The following ATP2B2 variants were observed in gnomAD, a reference collection of about 807,000 sequenced individuals.
ATP2B2 encodes plasma membrane calcium-transporting ATPase 2.
Under a neutral mutation model 120.0 loss-of-function variants are expected in ATP2B2, and 15 were observed. The ratio of observed to expected loss-of-function variants is 0.12; its 90% CI spans 0.08 to 0.19. The LOEUF (loss-of-function observed/expected upper bound fraction) is 0.19, where lower values mean the gene tolerates loss of function less well. Ranked by LOEUF, ATP2B2 falls within the 10% of genes least tolerant of loss-of-function variation. ATP2B2 has a pLI of 1.00. For synonymous variants in ATP2B2, 694 were observed against 700.3 expected (o/e 0.99, Z 0.14); for missense variants, 1,045 against 1,719.8 (o/e 0.61, Z 6.94).
In ATP2B2 at chr3:10,378,429, G is replaced by C; in HGVS notation, c.1043-19C>G. ...TGTTTGGCTGCAGGGGGCAGATCACGCACGTGCATACACACAGACACATAG... is the reference window on the plus strand; with the variant it reads ...TGTTTGGCTGCAGGGGGCAGATCACCCACGTGCATACACACAGACACATAG... On this transcript the variant is annotated intron_variant, in intron 9 of 22. Coordinates refer to ENST00000360273, the MANE Select transcript of ATP2B2 (RefSeq NM_001001331.4). 1 of 1,599,652 alleles carries C rather than the reference G, an allele frequency of 6.3e-7. No individual in the cohort carries two copies. Among genetic ancestry groups the C allele is most frequent in the Non-Finnish European group, 8.5e-7 (1 of 1,179,902 alleles).
At position 10,347,934 on chromosome 3, in the gene ATP2B2, C is replaced by A. The variant is rs1179204440; in HGVS notation, c.2405-1797G>T. Reference sequence around the variant, plus strand: ...GCAACTATTTCCACCATGGACCACACCTTCCTCCTCCACAGGCCTCCTTCC... The same window carrying A: ...GCAACTATTTCCACCATGGACCACAACTTCCTCCTCCACAGGCCTCCTTCC... On this transcript the variant is annotated intron_variant, in intron 16 of 22. Coordinates refer to ENST00000360273, the MANE Select transcript of ATP2B2 (RefSeq NM_001001331.4). The surrounding 1 kb of genome is among the most constrained non-coding windows in gnomAD (Gnocchi z 5.2). Among the ~76,000 whole-genome samples the A allele has an allele frequency of 6.6e-6, 1 of 152,066 alleles. No homozygotes were observed. The highest frequency in any genetic ancestry group is 2.4e-5 in the African/African-American group (1 of 41,378).
rs1355249781 is a variant in ATP2B2 at position 10,327,903 on chromosome 3, G to T, written c.*911C>A. The T allele has an allele frequency of 6.6e-6, 1 of 152,610 alleles. No homozygotes were observed. The highest frequency in any genetic ancestry group is 1.5e-5 in the Non-Finnish European group (1 of 68,038). 9.5% of individuals were successfully genotyped at this position (152,610 alleles called of 1,614,324 possible). On this transcript the variant is annotated 3_prime_UTR_variant, in exon 23 of 23. Transcript: ENST00000360273. ...AGCATGGCTATCATAAAACATCCAG[G>T]ATGCAACCCAGGGGAAGTGTCTGTT...
In ATP2B2 at chr3:10,375,350, C is replaced by G; in HGVS notation, c.1416+80G>C. 1 of 1,307,440 alleles carries G rather than the reference C, an allele frequency of 7.6e-7. No homozygotes were observed. Among genetic ancestry groups the G allele is most frequent in the Non-Finnish European group, 1.1e-6 (1 of 915,596 alleles). The allele number at this position is 1,307,440 out of a possible 1,614,324, so 81.0% of individuals were successfully genotyped here. A position where few individuals can be genotyped will look rare whatever the true frequency, so the allele number is the denominator to read the frequency against. The stretch of plus-strand genomic sequence containing the variant: ...GGCTTCTTCGTTCATCTCCCAACCC[C>G]AGCACCAGCCCCAGTGATTCCCCCA... On this transcript the variant is annotated intron_variant, in intron 11 of 22. Coordinates refer to ENST00000360273, the MANE Select transcript of ATP2B2 (RefSeq NM_001001331.4). The surrounding 1 kb of genome is among the most constrained non-coding windows in gnomAD (Gnocchi z 4.2).
chr3:10,545,576 T>A (rs745890924), intron 2 of ATP2B2, among the ~76,000 whole-genome samples: 12 of 151,920 alleles, frequency 7.9e-5, no homozygotes, highest in Non-Finnish European at 1.8e-4. Flanking sequence ...AAACAAAATT[T>A]AAAAACCCAA....
At chr3:10,357,179 T>C (rs943107571) in intron 14 of ATP2B2, among the ~76,000 whole-genome samples, 43 of 152,188 alleles carry the variant, frequency 2.8e-4, no homozygotes, top group African/African-American at 4.8e-5. Context: ...GACCCACGTA[T>C]GTAGGCCGCC....
intron 1 of ATP2B2, among the ~76,000 whole-genome samples, chr3:10,684,031 T>C (rs769984390): frequency 4.1e-4 from 63 of 152,132 alleles, no homozygotes; most frequent in Non-Finnish European, 6.9e-4. Flanking sequence ...CATTGGAGAA[T>C]TGTCCCTTTC....
At chr3:10,495,508 C>G (rs959348940) in intron 1 of ATP2B2, among the ~76,000 whole-genome samples, 5 of 152,176 alleles carry the variant, frequency 3.3e-5, no homozygotes, top group Non-Finnish European at 4.4e-5. Context: ...CGAAATTGCT[C>G]GCTAAACGAG....
chr3:10,379,236 G>C lies in ATP2B2; in HGVS notation c.1042+7C>G, dbSNP rs374204965. ...ACGACAAACGCCGGTTAAAACAAAAGGGTTACCTTTGCTCTGGCTGGCGTC... is the reference window on the plus strand; with the variant it reads ...ACGACAAACGCCGGTTAAAACAAAACGGTTACCTTTGCTCTGGCTGGCGTC... On this transcript the variant is annotated splice_region_variant and intron_variant, in intron 9 of 22. Coordinates refer to ENST00000360273, the MANE Select transcript of ATP2B2 (RefSeq NM_001001331.4). 4 of 1,613,636 alleles carry C rather than the reference G, an allele frequency of 2.5e-6. No homozygotes were observed. In the East Asian group the frequency reaches 6.7e-5, roughly 27 times the overall value.
intron 21 of ATP2B2, among the ~76,000 whole-genome samples, chr3:10,339,850 G>A (rs1233093024): frequency 6.6e-6 from 1 of 152,170 alleles, no homozygotes; most frequent in South Asian, 2.1e-4. Context: ...GCAGGCCATG[G>A]CTTCTAGCTG....
intron 1 of ATP2B2, among the ~76,000 whole-genome samples, chr3:10,705,923 A>T (rs1422988256): frequency 2.0e-5 from 3 of 152,184 alleles, no homozygotes; most frequent in African/African-American, 7.2e-5. Context: ...TTTGGATGAC[A>T]AACTATATAG....
At chr3:10,619,906 C>G (rs1192826147) in intron 2 of ATP2B2, 1 of 152,154 alleles carries the variant, frequency 6.6e-6, no homozygotes, top group African/African-American at 2.4e-5. Context: ...GCTCATGGCT[C>G]TCACACTCAC....
chr3:10,452,685 G>A (rs2064104722), intron 1 of ATP2B2, among the ~76,000 whole-genome samples: 1 of 152,146 alleles, frequency 6.6e-6, no homozygotes, highest in African/African-American at 2.4e-5. Flanking sequence ...GGTCTCAGAT[G>A]CTGGGGGAAG....
At position 10,696,388 on chromosome 3, in the gene ATP2B2, G is replaced by A. The variant is rs180726098; in HGVS notation, c.-460+11527C>T. 8.5e-5 allele frequency among the ~76,000 whole-genome samples: 13 copies of A among 152,286 alleles called. No individual in the cohort carries two copies. In the East Asian group the frequency reaches 2.5e-3, roughly 29 times the overall value. On this transcript the variant is annotated intron_variant, in intron 1 of 21. Coordinates refer to the ATP2B2 transcript ENST00000646379. Reference sequence around the variant, plus strand: ...GGTATTAAACATCAGGATGAGCTGCGATTGATTCCTCTCTCTCTCTCTCTC... The same window carrying A: ...GGTATTAAACATCAGGATGAGCTGCAATTGATTCCTCTCTCTCTCTCTCTC...
At chr3:10,627,285 A>G (rs1441899069) in intron 1 of ATP2B2, among the ~76,000 whole-genome samples, 1 of 152,222 alleles carries the variant, frequency 6.6e-6, no homozygotes, top group African/African-American at 2.4e-5. Context: ...CAGCATCAGC[A>G]TGGGCTCCAT....
chr3:10,594,728 TAATAA>T (rs1461233434), intron 2 of ATP2B2, among the ~76,000 whole-genome samples: 1 of 151,480 alleles, frequency 6.6e-6, no homozygotes, highest in Non-Finnish European at 1.5e-5. Flanking sequence ...ATAATAATAA[TAATAA>T]TAATAATAAA....
chr3:10,515,923 A>G (rs1575447302), intron 3 of ATP2B2, among the ~76,000 whole-genome samples: 1 of 152,184 alleles, frequency 6.6e-6, no homozygotes, highest in African/African-American at 2.4e-5. Flanking sequence ...GGACGTAAGT[A>G]TCTCCATCTT....
intron 1 of ATP2B2, among the ~76,000 whole-genome samples, chr3:10,492,421 C>T (rs1461014860): frequency 2.0e-5 from 3 of 152,142 alleles, no homozygotes; most frequent in African/African-American, 4.8e-5. Context: ...GCGACAAAGC[C>T]GAAATTTCCA....
chr3:10,668,065 G>A (rs6770332), intron 1 of ATP2B2, among the ~76,000 whole-genome samples: 33,502 of 152,222 alleles, frequency 0.22, 6,195 homozygotes, highest in African/African-American at 0.5. Context: ...CCTGGCTTCC[G>A]ACCTCCTGGT....
chr3:10,436,632 C>T (rs906574963), intron 2 of ATP2B2, among the ~76,000 whole-genome samples: 2 of 152,240 alleles, frequency 1.3e-5, no homozygotes, highest in Admixed American at 6.5e-5. Context: ...TGCATGTCCC[C>T]GTTTCCTTCT....
Sources: allele counts gnomAD v4.1 joint callset (sites outside exome capture counted in the v4.1 genomes callset), GRCh38; gene constraint gnomAD v4.1.1; non-coding constraint Gnocchi (gnomAD v3.1); transcripts MANE v1.5; gene names NCBI Gene and HGNC (gene_info 2026-07-23, HGNC 2026-07-21).